MACROD2: variants seen among roughly 807,000 people sequenced by gnomAD.
MACROD2 encodes mono-ADP ribosylhydrolase 2.
MACROD2 carries 36 observed loss-of-function variants against 70.4 expected under a neutral mutation model. The ratio of observed to expected loss-of-function variants is 0.51; its 90% CI spans 0.39 to 0.68. The LOEUF is 0.68. Among genes scored for constraint, MACROD2 ranks in the 30% least tolerant of loss-of-function variants. The pLI, the probability that MACROD2 is intolerant of heterozygous loss-of-function variation, is 0.00. For synonymous variants in MACROD2, 172 were observed against 178.8 expected (o/e 0.96, Z 0.30); for missense variants, 496 against 538.4 (o/e 0.92, Z 0.78).
At chr20:14,181,736 A>G (rs558152871) in intron 3 of MACROD2, among the ~76,000 whole-genome samples, 31 of 152,172 alleles carry the variant, frequency 2.0e-4, no homozygotes, top group Non-Finnish European at 4.1e-4. Context: ...ATGGAAATAT[A>G]TAATCTGTGA....
intron 8 of MACROD2, among the ~76,000 whole-genome samples, chr20:15,651,472 C>T (rs2049641741): frequency 6.6e-6 from 1 of 152,130 alleles, no homozygotes; most frequent in Admixed American, 6.6e-5. Context: ...GTACCAAACA[C>T]CAGGGTCGTT....
chr20:14,870,911 G>T (rs1159249062), intron 5 of MACROD2, among the ~76,000 whole-genome samples: 3 of 152,104 alleles, frequency 2.0e-5, no homozygotes, highest in Non-Finnish European at 2.9e-5. Context: ...TGTTCACTTT[G>T]TTGATAGATT....
rs970845911 is a variant in MACROD2, at chr20:14,352,319, C to T, written c.272-141160C>T. 181 of 152,188 alleles carry T rather than the reference C, an allele frequency of 1.2e-3. 1 individual carries two copies. Among genetic ancestry groups the T allele is most frequent in the African/African-American group, 4.2e-3 (176 of 41,528 alleles). The allele number at this position is 152,188 out of a possible 1,614,324, so 9.4% of individuals were successfully genotyped here. A position where few individuals can be genotyped will look rare whatever the true frequency, so the allele number is the denominator to read the frequency against. On this transcript the variant is annotated intron_variant, in intron 3 of 17. Transcript: ENST00000684519. ...GTGAGCAAGTTTTGATAAAAATACT[C>T]GTCTCGCTTCGGCAGCACATAGACT...
intron 8 of MACROD2, among the ~76,000 whole-genome samples, chr20:15,825,408 G>A (rs959374927): frequency 3.9e-5 from 6 of 152,130 alleles, no homozygotes; most frequent in Non-Finnish European, 7.3e-5. Context: ...CCCAGCCAAT[G>A]CCAGCTGACT....
chr20:15,809,412 T>C (rs756921251), intron 8 of MACROD2, among the ~76,000 whole-genome samples: 4 of 152,198 alleles, frequency 2.6e-5, no homozygotes, highest in Non-Finnish European at 4.4e-5. Context: ...TAGCTCACGG[T>C]TCTGCAGGCT....
At chr20:15,178,965 A>G (rs1601183839) in intron 5 of MACROD2, among the ~76,000 whole-genome samples, 1 of 152,160 alleles carries the variant, frequency 6.6e-6, no homozygotes, top group African/African-American at 2.4e-5. Flanking sequence ...AGCATAAGGG[A>G]GGATTGGGCA....
At chr20:15,286,656 G>A (rs1349732359) in intron 6 of MACROD2, among the ~76,000 whole-genome samples, 2 of 152,114 alleles carry the variant, frequency 1.3e-5, no homozygotes, top group Non-Finnish European at 2.9e-5. Flanking sequence ...TTTATATAGT[G>A]GGGTGAAGTA....
chr20:14,082,034 A>G (rs2054001312), intron 2 of MACROD2, among the ~76,000 whole-genome samples: 1 of 152,158 alleles, frequency 6.6e-6, no homozygotes, highest in Admixed American at 6.5e-5. Context: ...AATATACTGA[A>G]TTGCTTGAAC....
In MACROD2 at chr20:14,664,266, A is replaced by C. The variant is rs565941308; in HGVS notation, c.302-20577A>C. Among the ~76,000 whole-genome samples the C allele has an allele frequency of 8.5e-5, 13 of 152,196 alleles. No individual in the cohort carries two copies. The South Asian group carries it at 2.7e-3, about 32-fold the overall frequency. On this transcript the variant is annotated intron_variant, in intron 4 of 17. Coordinates refer to ENST00000684519, the MANE Select transcript of MACROD2 (RefSeq NM_001351661.2). ...TACAACTGGAGTCCTTCCTAGTTCC[A>C]CTGTTACAGCCAAAATGCTGACATT...
At chr20:14,846,581 G>A (rs1409780781) in intron 5 of MACROD2, among the ~76,000 whole-genome samples, 3 of 150,478 alleles carry the variant, frequency 2.0e-5, no homozygotes, top group Non-Finnish European at 3.0e-5. Flanking sequence ...ACAGTGGCAC[G>A]ATCTCAGCTC....
chr20:15,160,513 C>T (rs1222911951), intron 5 of MACROD2, among the ~76,000 whole-genome samples: 1 of 152,084 alleles, frequency 6.6e-6, no homozygotes, highest in Non-Finnish European at 1.5e-5. Context: ...TATAAGACCT[C>T]CTTTAGTGTC....
At chr20:15,824,671 A>C (rs756364398) in intron 8 of MACROD2, among the ~76,000 whole-genome samples, 1 of 152,178 alleles carries the variant, frequency 6.6e-6, no homozygotes, top group African/African-American at 2.4e-5. Flanking sequence ...GATTGGTATA[A>C]TATTTTGGGG....
chr20:15,333,154 A>T (rs1433470955), intron 6 of MACROD2, among the ~76,000 whole-genome samples: 1 of 151,656 alleles, frequency 6.6e-6, no homozygotes, highest in Non-Finnish European at 1.5e-5. Context: ...GGCATCTTCT[A>T]CATCAACCTG....
At chr20:15,428,863 C>T (rs2046331688) in intron 6 of MACROD2, among the ~76,000 whole-genome samples, 1 of 152,034 alleles carries the variant, frequency 6.6e-6, no homozygotes, top group African/African-American at 2.4e-5. Flanking sequence ...TCTTGCCTTC[C>T]CTACACCTTG....
At chr20:14,802,463 G>T (rs1368106956) in intron 5 of MACROD2, among the ~76,000 whole-genome samples, 1 of 151,900 alleles carries the variant, frequency 6.6e-6, no homozygotes, top group African/African-American at 2.4e-5. Flanking sequence ...CATTAAAACT[G>T]TCCCTCTTCT....
At chr20:15,533,295 A>G (rs1382166751) in intron 8 of MACROD2, among the ~76,000 whole-genome samples, 1 of 152,166 alleles carries the variant, frequency 6.6e-6, no homozygotes, top group Admixed American at 6.5e-5. Context: ...TTGTAGAGCA[A>G]TCTTTTTAAG....
intron 6 of MACROD2, among the ~76,000 whole-genome samples, chr20:15,362,590 T>G (rs560982385): frequency 2.0e-4 from 31 of 152,294 alleles, no homozygotes; most frequent in African/African-American, 7.5e-4. Context: ...TTACACTGAT[T>G]GGTAAATCAG....
rs1245069694 is a variant in MACROD2, at chr20:15,218,581, C to T, written c.419-11359C>T. Among the ~76,000 whole-genome samples the T allele has an allele frequency of 2.0e-5, 3 of 152,208 alleles. No individual in the cohort carries two copies. In the South Asian group the frequency reaches 6.2e-4, roughly 31 times the overall value. ...TTTAAAAAGCTGCTCCCACCCTTCT[C>T]TTCTCCATGTGAATCAGTGTATCTG... On this transcript the variant is annotated intron_variant, in intron 5 of 17. Transcript: ENST00000684519.
intron 8 of MACROD2, among the ~76,000 whole-genome samples, chr20:15,529,673 A>G (rs2047770339): frequency 6.6e-6 from 1 of 152,224 alleles, no homozygotes; most frequent in South Asian, 2.1e-4. Context: ...ATAGTTACGT[A>G]TATGTTGTAT....
Sources: allele counts gnomAD v4.1 joint callset (sites outside exome capture counted in the v4.1 genomes callset), GRCh38; gene constraint gnomAD v4.1.1; transcripts MANE v1.5; gene names NCBI Gene and HGNC (gene_info 2026-07-23, HGNC 2026-07-21).